NAP1L4: variants seen among roughly 807,000 people sequenced by gnomAD.
NAP1L4 encodes nucleosome assembly protein 1-like 4.
A neutral mutation model predicts 58.2 loss-of-function variants in NAP1L4; 15 were observed. That is an observed-to-expected ratio of 0.26 (90% CI 0.17 to 0.40). The LOEUF (loss-of-function observed/expected upper bound fraction) is 0.40. Among genes scored for constraint, NAP1L4 ranks in the 10% least tolerant of loss-of-function variants. The pLI is 1.00. For synonymous variants in NAP1L4, 171 were observed against 155.6 expected (o/e 1.10, Z -0.74); for missense variants, 384 against 451.1 (o/e 0.85, Z 1.35).
chr11:2,988,433 C>CT (rs1564994276), intron 1 of NAP1L4, among the ~76,000 whole-genome samples: 1 of 152,234 alleles, frequency 6.6e-6, no homozygotes, highest in Non-Finnish European at 1.5e-5. Flanking sequence ...GTCTGTCTCC[C>CT]ATAGCAGAAA....
In NAP1L4 at chr11:2,951,995, C is replaced by T; in HGVS notation, c.1036-186G>A. 1 of 639,392 alleles carries T rather than the reference C, an allele frequency of 1.6e-6. No individual in the cohort carries two copies. Among genetic ancestry groups the T allele is most frequent in the Admixed American group, 2.6e-5 (1 of 38,938 alleles). The allele number at this position is 639,392 out of a possible 1,614,324, so 39.6% of individuals were successfully genotyped here. A position where few individuals can be genotyped will look rare whatever the true frequency, so the allele number is the denominator to read the frequency against. On this transcript the variant is annotated intron_variant, in intron 12 of 15. Transcript: ENST00000380542. The surrounding 1 kb of genome is among the most constrained non-coding windows in gnomAD (Gnocchi z 4.0). ...GTGTGCAGCGCATTTTAAAAGCATG[C>T]CAGGAAATTGAAAGTCACGCAAAAC...
intron 8 of NAP1L4, chr11:2,964,019 T>C (rs1847109781): frequency 2.3e-6 from 1 of 440,218 alleles, no homozygotes; most frequent in Non-Finnish European, 4.5e-6. Flanking sequence ...GGCTGATCCA[T>C]GCCACTAACA....
At position 2,954,365 on chromosome 11, in the gene NAP1L4, C is replaced by T. The variant is rs764155551; in HGVS notation, c.1035+162G>A. 1.6e-5 allele frequency: 17 copies of T among 1,031,954 alleles called. No homozygotes were observed. Among genetic ancestry groups the T allele is most frequent in the East Asian group, 1.0e-4 (4 of 38,570 alleles). The allele number at this position is 1,031,954 out of a possible 1,614,324, so 63.9% of individuals were successfully genotyped here. On this transcript the variant is annotated intron_variant, in intron 12 of 15. Transcript: ENST00000380542. The surrounding 1 kb of genome is among the most constrained non-coding windows in gnomAD (Gnocchi z 4.8). The stretch of plus-strand genomic sequence containing the variant: ...GTTCCTCAGACTTCTCCTCTTCAAG[C>T]GTATTCCCCCCACAACAAGGACAGC...
chr11:2,955,794 TAA>T lies in NAP1L4; in HGVS notation c.893-30_893-29del. The T allele has an allele frequency of 6.2e-7, 1 of 1,607,138 alleles. No homozygotes were observed. Among genetic ancestry groups the T allele is most frequent in the Non-Finnish European group, 8.5e-7 (1 of 1,175,018 alleles). On this transcript the variant is annotated intron_variant, in intron 10 of 15. Coordinates refer to ENST00000380542, the MANE Select transcript of NAP1L4 (RefSeq NM_005969.4). The surrounding 1 kb of genome is among the most constrained non-coding windows in gnomAD (Gnocchi z 4.2). ...AGAAAAAGAAAAGACAAAACATATTTAAATTACAGTGACAACTCCCAGAATTT... is the reference window on the plus strand; with the variant it reads ...AGAAAAAGAAAAGACAAAACATATTTATTACAGTGACAACTCCCAGAATTT...
At chr11:2,972,478 T>C (rs1020608717) in intron 4 of NAP1L4, among the ~76,000 whole-genome samples, 1 of 152,092 alleles carries the variant, frequency 6.6e-6, no homozygotes, top group Non-Finnish European at 1.5e-5. Context: ...TGAAGAAAGA[T>C]TCAATTTCAT....
intron 4 of NAP1L4, 165 bp from the exon 5 acceptor site, chr11:2,972,408 A>G (rs1847690723): frequency 6.6e-6 from 3 of 451,404 alleles, no homozygotes; most frequent in South Asian, 7.4e-5. Context: ...CAGGAAAAAA[A>G]GGATACAGGA....
At chr11:2,973,221 T>C (rs879482395) in intron 4 of NAP1L4, among the ~76,000 whole-genome samples, 5 of 152,248 alleles carry the variant, frequency 3.3e-5, no homozygotes, top group Non-Finnish European at 5.9e-5. Flanking sequence ...AGGTCAACTA[T>C]GAGTTTGCCT....
At chr11:2,962,817 A>C (rs1156484714) in intron 8 of NAP1L4, among the ~76,000 whole-genome samples, 2 of 152,104 alleles carry the variant, frequency 1.3e-5, no homozygotes, top group African/African-American at 4.8e-5. Flanking sequence ...TAAGAAAAAA[A>C]GAGGCCGGGT....
chr11:2,979,562 C>T (rs538472120), intron 1 of NAP1L4, among the ~76,000 whole-genome samples: 5 of 152,118 alleles, frequency 3.3e-5, no homozygotes, highest in Non-Finnish European at 5.9e-5. Context: ...CACTTGAGCT[C>T]AGGAGTTCGA....
chr11:2,947,532 G>A (rs906532049), intron 15 of NAP1L4, among the ~76,000 whole-genome samples: 3 of 152,124 alleles, frequency 2.0e-5, no homozygotes, highest in Admixed American at 1.3e-4. Flanking sequence ...CAGCACACTG[G>A]AGCTTCTGCA....
chr11:2,951,862 GC>G lies in NAP1L4; in HGVS notation c.1036-54del. On this transcript the variant is annotated intron_variant, in intron 12 of 15. Coordinates refer to ENST00000380542, the MANE Select transcript of NAP1L4 (RefSeq NM_005969.4). The surrounding 1 kb of genome is among the most constrained non-coding windows in gnomAD (Gnocchi z 4.0). ...GGTTTACAAAACATGACAGCAGCCTGCCCAAGACACCAGTCCCATCAAGTGA... is the reference window on the plus strand; with the variant it reads ...GGTTTACAAAACATGACAGCAGCCTGCCAAGACACCAGTCCCATCAAGTGA... 1 of 1,554,578 alleles carries G rather than the reference GC, an allele frequency of 6.4e-7. No individual in the cohort carries two copies.
chr11:2,961,810 G>C (rs527400731), intron 8 of NAP1L4, among the ~76,000 whole-genome samples: 120 of 152,256 alleles, frequency 7.9e-4, no homozygotes, highest in African/African-American at 2.8e-3. Context: ...GGGATTACAG[G>C]CATGAGCTAC....
chr11:2,968,794 A>G (rs1455864926), intron 7 of NAP1L4, among the ~76,000 whole-genome samples: 2 of 152,200 alleles, frequency 1.3e-5, no homozygotes, highest in Admixed American at 6.5e-5. Flanking sequence ...CGCTGGAGCA[A>G]TAAAAACTGA....
Position 2,955,309 on chromosome 11 carries a change from G to A in NAP1L4, c.915+435C>T, listed in dbSNP as rs1469946157. Among the ~76,000 whole-genome samples the A allele has an allele frequency of 6.6e-6, 1 of 151,792 alleles. No homozygotes were observed. On this transcript the variant is annotated intron_variant, in intron 11 of 15. Transcript: ENST00000380542. This position sits in a 1 kb window ranked among gnomAD's most constrained non-coding sequence, Gnocchi z 4.2. ...CCTCTCGGGTTCAAGTGATTCTCCT[G>A]CTTGAGCCTCCTGAGTAGCTGAGAT...
intron 1 of NAP1L4, among the ~76,000 whole-genome samples, chr11:2,980,654 T>C (rs908120673): frequency 6.6e-6 from 1 of 152,170 alleles, no homozygotes; most frequent in African/African-American, 2.4e-5. Context: ...AGCTGAAAAC[T>C]GGCCAATGTT....
At position 2,959,544 on chromosome 11, in the gene NAP1L4, T is replaced by C. The variant is rs904682641; in HGVS notation, c.746+226A>G. The stretch of plus-strand genomic sequence containing the variant: ...CAGGGCACTATCCCAAAGGCTTGCA[T>C]GTGCAACCACGTGACTCATTTCCCA... On this transcript the variant is annotated intron_variant, in intron 9 of 15. Coordinates refer to ENST00000380542, the MANE Select transcript of NAP1L4 (RefSeq NM_005969.4). This position sits in a 1 kb window ranked among gnomAD's most constrained non-coding sequence, Gnocchi z 4.9. Among the ~76,000 whole-genome samples, 1 of 152,254 alleles carries C rather than the reference T, an allele frequency of 6.6e-6. No individual in the cohort carries two copies. The highest frequency in any genetic ancestry group is 1.5e-5 in the Non-Finnish European group (1 of 68,048).
rs779920693 is a variant in NAP1L4 at position 2,971,552 on chromosome 11, C to T, written c.316-18G>A. 2 of 1,602,120 alleles carry T rather than the reference C, an allele frequency of 1.2e-6. No individual in the cohort carries two copies. Among genetic ancestry groups the T allele is most frequent in the Non-Finnish European group, 1.7e-6 (2 of 1,171,108 alleles). ...TCTCTTCTCTACATAAAAATGAGAC[C>T]TTATTAGAATTATGTTATTAGCTTA... On this transcript the variant is annotated intron_variant, in intron 5 of 15. Coordinates refer to ENST00000380542, the MANE Select transcript of NAP1L4 (RefSeq NM_005969.4). The surrounding 1 kb of genome is among the most constrained non-coding windows in gnomAD (Gnocchi z 4.2).
At chr11:2,986,571 C>T (rs1271377100) in intron 1 of NAP1L4, among the ~76,000 whole-genome samples, 2 of 151,580 alleles carry the variant, frequency 1.3e-5, no homozygotes, top group African/African-American at 4.8e-5. Context: ...TCACAAGACT[C>T]CTTATAATTT....
rs1846103046 is a variant in NAP1L4 at position 2,949,331 on chromosome 11, A to T, written c.1123-67T>A. 7.5e-7 allele frequency: 1 copy of T among 1,341,158 alleles called. No individual in the cohort carries two copies. Among genetic ancestry groups the T allele is most frequent in the African/African-American group, 1.4e-5 (1 of 69,190 alleles). The allele number at this position is 1,341,158 out of a possible 1,614,324, so 83.1% of individuals were successfully genotyped here. On this transcript the variant is annotated intron_variant, in intron 14 of 15. Transcript: ENST00000380542. This position sits in a 1 kb window ranked among gnomAD's most constrained non-coding sequence, Gnocchi z 4.0. ...GAAAATGAAATGCACAAAATTATAC[A>T]GGAGGAAACGGCCACAATTTCTCAT...
Sources: allele counts gnomAD v4.1 joint callset (sites outside exome capture counted in the v4.1 genomes callset), GRCh38; gene constraint gnomAD v4.1.1; non-coding constraint Gnocchi (gnomAD v3.1); transcripts MANE v1.5; gene names NCBI Gene and HGNC (gene_info 2026-07-23, HGNC 2026-07-21).